PAMR1: variants seen among roughly 807,000 people sequenced by gnomAD.
PAMR1 encodes the protein peptidase domain containing associated with muscle regeneration 1.
A neutral mutation model predicts 81.8 loss-of-function variants in PAMR1; 88 were observed. The ratio of observed to expected loss-of-function variants is 1.08; its 90% confidence interval spans 0.91 to 1.28. The LOEUF is 1.28. Ranked by LOEUF, PAMR1 falls within the 50% of genes most tolerant of loss-of-function variation. The probability of loss-of-function intolerance (pLI) is 0.00; values close to 1 mark genes in which losing one functional copy is unlikely to be tolerated. For missense variants in PAMR1, 935 were observed against 919.7 expected, an observed-to-expected ratio of 1.02 and a Z score of -0.21; for synonymous variants, 336 against 345.3, an observed-to-expected ratio of 0.97 and a Z score of 0.30.
chr11:35,453,645 A>G (rs549854529), intron 6 of PAMR1, among the ~76,000 whole-genome samples: 1 of 152,326 alleles, frequency 6.6e-6, no homozygotes, highest in Admixed American at 6.5e-5. Context: ...ATTTCAAAAC[A>G]ATCTTTTTTT....
intron 1 of PAMR1, among the ~76,000 whole-genome samples, chr11:35,509,773 G>A (rs1305969216): frequency 6.6e-6 from 1 of 152,060 alleles, no homozygotes; most frequent in African/African-American, 2.4e-5. Flanking sequence ...AATTCCAGGG[G>A]TAGGGAGAGG....
At chr11:35,479,027 A>G (rs554826282) in intron 3 of PAMR1, among the ~76,000 whole-genome samples, 1 of 152,278 alleles carries the variant, frequency 6.6e-6, no homozygotes, top group South Asian at 2.1e-4. Flanking sequence ...TTTCTAGACC[A>G]GTAAGACAGC....
At chr11:35,448,269 T>A (rs559710916) in intron 6 of PAMR1, among the ~76,000 whole-genome samples, 2 of 152,330 alleles carry the variant, frequency 1.3e-5, no homozygotes, top group African/African-American at 4.8e-5. Context: ...CCTGTCTCTT[T>A]CAGGTACCCC....
chr11:35,449,086 C>T (rs1856357148), intron 6 of PAMR1, among the ~76,000 whole-genome samples: 2 of 152,202 alleles, frequency 1.3e-5, no homozygotes, highest in African/African-American at 4.8e-5. Context: ...GTCTGGCCAC[C>T]CTTGTTGGGA....
intron 3 of PAMR1, among the ~76,000 whole-genome samples, chr11:35,480,552 A>T (rs1004677620): frequency 7.9e-5 from 12 of 151,994 alleles, no homozygotes; most frequent in African/African-American, 2.7e-4. Context: ...CCTCCAATGA[A>T]TTTTTGTTTT....
chr11:35,477,999 C>T (rs1387814651), intron 3 of PAMR1, among the ~76,000 whole-genome samples: 1 of 152,200 alleles, frequency 6.6e-6, no homozygotes, highest in African/African-American at 2.4e-5. Flanking sequence ...CTGCACAGCC[C>T]CCGTCCCTCA....
At chr11:35,521,292 T>C (rs1205390837) in intron 1 of PAMR1, among the ~76,000 whole-genome samples, 3 of 152,226 alleles carry the variant, frequency 2.0e-5, no homozygotes, top group Non-Finnish European at 4.4e-5. Context: ...AAAAATCCTG[T>C]TGGCCAATTA....
At chr11:35,473,570 T>C (rs1212199265) in intron 4 of PAMR1, among the ~76,000 whole-genome samples, 2 of 152,126 alleles carry the variant, frequency 1.3e-5, no homozygotes, top group Non-Finnish European at 2.9e-5. Flanking sequence ...TGAGACTCAT[T>C]CCCAACCCCA....
intron 1 of PAMR1, among the ~76,000 whole-genome samples, chr11:35,520,168 A>G (rs1482621683): frequency 6.6e-6 from 1 of 152,304 alleles, no homozygotes; most frequent in East Asian, 1.9e-4. Flanking sequence ...TGTTTCCACC[A>G]TTGATGATTG....
At position 35,492,086 on chromosome 11, in the gene PAMR1, C is replaced by G; in HGVS notation, c.338G>C (p.Cys113Ser). 6.2e-7 allele frequency: 1 copy of G among 1,614,108 alleles called. No homozygotes were observed. Among genetic ancestry groups the G allele is most frequent in the Non-Finnish European group, 8.5e-7 (1 of 1,179,978 alleles). The change falls in exon 3 of 11, where the codon TGT becomes TCT. Residue 113 changes from cysteine to serine, a missense_variant. Coordinates refer to ENST00000619888, the MANE Select transcript of PAMR1 (RefSeq NM_001001991.3). Reference sequence around the variant, plus strand: ...GTACCAGCCTGCTCGGCACTCTGCACAGTAGAACCCCTTCACATAGAAGTC... The same window carrying G: ...GTACCAGCCTGCTCGGCACTCTGCAGAGTAGAACCCCTTCACATAGAAGTC... The part of the protein sequence containing the change: ...LDDFYVKGFY[C>S]AECRAGWYGG...
intron 1 of PAMR1, among the ~76,000 whole-genome samples, chr11:35,506,635 C>A (rs1197189523): frequency 1.3e-5 from 2 of 151,570 alleles, no homozygotes; most frequent in Non-Finnish European, 2.9e-5. Context: ...TCCTCCTCCC[C>A]CATGACCTGA....
intron 1 of PAMR1, among the ~76,000 whole-genome samples, chr11:35,495,459 G>C (rs1281649596): frequency 6.6e-6 from 1 of 152,076 alleles, no homozygotes; most frequent in Non-Finnish European, 1.5e-5. Flanking sequence ...TCAGTCAGAG[G>C]CTGCCCAGAA....
intron 6 of PAMR1, among the ~76,000 whole-genome samples, chr11:35,449,503 G>A (rs1262334335): frequency 1.3e-5 from 2 of 152,236 alleles, no homozygotes; most frequent in African/African-American, 4.8e-5. Flanking sequence ...GCCACAATCT[G>A]CCACAGCTAC....
intron 1 of PAMR1, among the ~76,000 whole-genome samples, chr11:35,506,566 T>C (rs765527623): frequency 6.6e-6 from 1 of 152,024 alleles, no homozygotes; most frequent in Non-Finnish European, 1.5e-5. Flanking sequence ...GTAGCTTTGC[T>C]GGATGCCATA....
Position 35,431,873 on chromosome 11 carries a change from G to T in PAMR1, c.*483C>A, listed in dbSNP as rs1590309041. 6.3e-6 allele frequency: 1 copy of T among 158,398 alleles called. No homozygotes were observed. The highest frequency in any genetic ancestry group is 1.4e-5 in the Non-Finnish European group (1 of 71,990). 9.8% of individuals were successfully genotyped at this position (158,398 alleles called of 1,614,324 possible). ...CCTTATTTTATTAAAATGTGTACAAGAGATGGGGAAGGAAAAGGACCAGAC... is the reference window on the plus strand; with the variant it reads ...CCTTATTTTATTAAAATGTGTACAATAGATGGGGAAGGAAAAGGACCAGAC... On this transcript the variant is annotated 3_prime_UTR_variant, in exon 11 of 11. Transcript: ENST00000619888.
At chr11:35,502,509 T>C (rs1271000192) in intron 1 of PAMR1, among the ~76,000 whole-genome samples, 8 of 140,466 alleles carry the variant, frequency 5.7e-5, no homozygotes, top group Admixed American at 2.2e-4. Context: ...GAACATGCAG[T>C]GTTTGGTTTT....
At chr11:35,441,411 G>T in intron 7 of PAMR1, 70 bp downstream of exon 7, 1 of 1,105,094 alleles carries the variant, frequency 9.0e-7, no homozygotes, top group Non-Finnish European at 1.4e-6. Context: ...TTAAAAACAT[G>T]CAAAGGAGCT....
chr11:35,458,664 A>C (rs1856585522), intron 6 of PAMR1, among the ~76,000 whole-genome samples: 1 of 152,206 alleles, frequency 6.6e-6, no homozygotes, highest in African/African-American at 2.4e-5. Flanking sequence ...TGTTTGTCTC[A>C]ATTCTTAGCA....
chr11:35,529,623 A>G (rs1317574072), upstream of PAMR1, among the ~76,000 whole-genome samples: 1 of 152,214 alleles, frequency 6.6e-6, no homozygotes. Flanking sequence ...TTAGGGCTAG[A>G]GTAAAGAGCT....
Sources: allele counts gnomAD v4.1 joint callset (sites outside exome capture counted in the v4.1 genomes callset), GRCh38; gene constraint gnomAD v4.1.1; transcripts MANE v1.5; gene names NCBI Gene and HGNC (gene_info 2026-07-23, HGNC 2026-07-21).